WNK1: variants seen among roughly 807,000 people sequenced by gnomAD.
WNK1 encodes serine/threonine-protein kinase WNK1.
Under a neutral mutation model 222.8 loss-of-function variants are expected in WNK1, and 38 were observed. The ratio of observed to expected loss-of-function variants is 0.17; its 90% CI spans 0.13 to 0.22. WNK1 has a LOEUF of 0.22. Ranked by LOEUF, WNK1 falls within the 10% of genes least tolerant of loss-of-function variation. The pLI, the probability that WNK1 is intolerant of heterozygous loss-of-function variation, is 1.00. For synonymous variants in WNK1, 1,090 were observed against 1,092.9 expected, an observed-to-expected ratio of 1.00 and a Z score of 0.05; for missense variants, 2,348 against 2,918.4, an observed-to-expected ratio of 0.80 and a Z score of 4.50.
chr12:772,414 T>C (rs561773737), intron 1 of WNK1, among the ~76,000 whole-genome samples: 2 of 71,626 alleles, frequency 2.8e-5, no homozygotes, highest in Admixed American at 1.3e-4. Context: ...GGTGTGTGTG[T>C]GTGTGTGTGT....
rs994583198 is a variant in WNK1, at chr12:908,638, C to T, written c.6995C>T (p.Pro2332Leu). Residue 2332 changes from proline (P) to leucine (L), a missense_variant, in exon 28 of 28, where the codon CCA (proline) becomes CTA (leucine). Pro to Leu is a moderately conservative substitution (Grantham distance 98, BLOSUM62 -3). Coordinates refer to ENST00000315939, the MANE Select transcript of WNK1 (RefSeq NM_018979.4). The part of the protein sequence containing the change: ...PPQQYGFPAT[P>L]FGAQWSGTGG... ...CAGCAGTATGGCTTTCCAGCTACCC[C>T]ATTTGGCGCTCAATGGAGTGGGACG... 1 of 1,614,216 alleles carries T rather than the reference C, an allele frequency of 6.2e-7. No individual in the cohort carries two copies. Among genetic ancestry groups the T allele is most frequent in the Non-Finnish European group, 8.5e-7 (1 of 1,180,048 alleles).
intron 2 of WNK1, among the ~76,000 whole-genome samples, chr12:822,940 A>G (rs906890433): frequency 6.6e-5 from 10 of 152,178 alleles, no homozygotes. Flanking sequence ...TTTTAGGGAA[A>G]GTGTACTACT....
In WNK1 at chr12:879,634, A is replaced by T. The variant is rs1247088756; in HGVS notation, c.2435A>T (p.Gln812Leu). 6.2e-7 allele frequency: 1 copy of T among 1,612,866 alleles called. No homozygotes were observed. The highest frequency in any genetic ancestry group is 1.1e-5 in the South Asian group (1 of 91,010). Residue 812 changes from glutamine (Q) to leucine (L), a missense_variant, in exon 11 of 28, where the codon CAA (glutamine) becomes CTA (leucine). Coordinates refer to ENST00000315939, the MANE Select transcript of WNK1 (RefSeq NM_018979.4). ...QGEPQIPVAT[Q>L]PSVVPVHSGA... ...GAACCTCAGATCCCAGTTGCGACACAACCCTCGGTTGTTCCAGTCCACTCT... is the reference window on the plus strand; with the variant it reads ...GAACCTCAGATCCCAGTTGCGACACTACCCTCGGTTGTTCCAGTCCACTCT...
rs954317279 is a variant in WNK1, at chr12:900,502, T to G, written c.6475T>G (p.Ser2159Ala). The change falls in exon 26 of 28, where the codon TCA (serine) becomes GCA (alanine). Residue 2159 changes from serine to alanine, a missense_variant. Around this residue, in one of 13 missense-constraint regions of WNK1, gnomAD observed 1,144 missense variants for 1,273.6 expected, o/e 0.90. Transcript: ENST00000315939. Reference sequence around the variant, plus strand: ...TAACCTGTCTGGTCAGAGTGCAGCTTCAGTCTTGCACCCCCAGCAGACCCT... The same window carrying G: ...TAACCTGTCTGGTCAGAGTGCAGCTGCAGTCTTGCACCCCCAGCAGACCCT... ...SGNLSGQSAA[S>A]VLHPQQTLHP... The G allele has an allele frequency of 6.2e-7, 1 of 1,614,092 alleles. No individual in the cohort carries two copies. The highest frequency in any genetic ancestry group is 8.5e-7 in the Non-Finnish European group (1 of 1,180,050).
chr12:871,415 ATTTG>A, intron 9 of WNK1, 67 bp downstream of exon 9: 1 of 1,519,582 alleles, frequency 6.6e-7, no homozygotes, highest in Non-Finnish European at 9.1e-7. Flanking sequence ...AACTTTTGTG[ATTTG>A]TTATATAAAT....
Position 759,218 on chromosome 12 carries a change from G to A in WNK1, c.759+4894G>A, listed in dbSNP as rs955279511. 1.1e-4 allele frequency among the ~76,000 whole-genome samples: 16 copies of A among 146,846 alleles called. 2 individuals carry two copies. The highest frequency in any genetic ancestry group is 1.8e-4 in the Non-Finnish European group (12 of 65,940). ...CAATTATCATTTCTGAAAATATTTA[G>A]CATACTATGAAATAATTCATAATTA... On this transcript the variant is annotated intron_variant, in intron 1 of 27. Transcript: ENST00000315939.
intron 8 of WNK1, among the ~76,000 whole-genome samples, chr12:870,247 T>C (rs1952027698): frequency 6.6e-6 from 1 of 152,212 alleles, no homozygotes; most frequent in South Asian, 2.1e-4. Flanking sequence ...CAGCTATACA[T>C]GGGCATGCAG....
At chr12:790,714 A>C (rs146632220) in intron 1 of WNK1, among the ~76,000 whole-genome samples, 1 of 152,290 alleles carries the variant, frequency 6.6e-6, no homozygotes, top group East Asian at 1.9e-4. Context: ...CAATCTTTTG[A>C]TGTCTCATAT....
At chr12:784,422 A>G (rs1944058651) in intron 1 of WNK1, among the ~76,000 whole-genome samples, 1 of 152,166 alleles carries the variant, frequency 6.6e-6, no homozygotes, top group Admixed American at 6.5e-5. Flanking sequence ...AATGAATTAC[A>G]GTTTTTTAAT....
chr12:895,909 A>C (rs549155498), intron 23 of WNK1, among the ~76,000 whole-genome samples, 162 bp from the exon 24 acceptor site: 1 of 152,326 alleles, frequency 6.6e-6, no homozygotes, highest in Non-Finnish European at 1.5e-5. Context: ...GATGGTATTC[A>C]ATTTTTCTTC....
In WNK1 at chr12:884,855, G is replaced by A. The variant is rs748085072; in HGVS notation, c.4051G>A (p.Ala1351Thr). The change falls in exon 19 of 28, where the codon GCA becomes ACA. Residue 1351 changes from alanine (A) to threonine (T), a missense_variant. Ala to Thr is a moderately conservative substitution (Grantham distance 58, BLOSUM62 0). Around this residue, in one of 13 missense-constraint regions of WNK1, gnomAD observed 1,144 missense variants for 1,273.6 expected, o/e 0.90. Transcript: ENST00000315939. This position sits in a 1 kb window ranked among gnomAD's most constrained non-coding sequence, Gnocchi z 5.6. Reference protein sequence around the residue: ...SSIAGVPTTAAATAPVPATSS... With the variant: ...SSIAGVPTTATATAPVPATSS... Reference sequence around the variant, plus strand: ...CATTGCTGGAGTCCCAACCACAGCAGCAGCCACAGCACCAGTCCCTGCAAC... The same window carrying A: ...CATTGCTGGAGTCCCAACCACAGCAACAGCCACAGCACCAGTCCCTGCAAC... The A allele has an allele frequency of 6.2e-7, 1 of 1,613,550 alleles. No homozygotes were observed.
At chr12:771,517 T>C (rs1440104548) in intron 1 of WNK1, among the ~76,000 whole-genome samples, 1 of 151,334 alleles carries the variant, frequency 6.6e-6, no homozygotes, top group Non-Finnish European at 1.5e-5. Context: ...CAGGGTCTTA[T>C]TCTGCCCCCT....
At chr12:862,903 T>C (rs10492107) in intron 8 of WNK1, among the ~76,000 whole-genome samples, 19,061 of 152,240 alleles carry the variant, frequency 0.13, 1,486 homozygotes, top group Middle Eastern at 0.2. Context: ...AGAATCAACT[T>C]ATAGAAATTA....
At chr12:865,280 AG>A in intron 8 of WNK1, 1 of 1,536,110 alleles carries the variant, frequency 6.5e-7, no homozygotes, top group Non-Finnish European at 8.7e-7. Flanking sequence ...AGCTTTCTAA[AG>A]CATTGGAGAG....
At chr12:773,781 A>G (rs1942806821) in intron 1 of WNK1, among the ~76,000 whole-genome samples, 1 of 152,190 alleles carries the variant, frequency 6.6e-6, no homozygotes, top group African/African-American at 2.4e-5. Context: ...TGAAAATTTT[A>G]TAATTCAGTA....
intron 1 of WNK1, among the ~76,000 whole-genome samples, chr12:789,785 T>A (rs543553806): frequency 6.6e-6 from 1 of 152,204 alleles, no homozygotes; most frequent in Non-Finnish European, 1.5e-5. Flanking sequence ...TTCAGTTATG[T>A]CATCAAATGT....
chr12:800,168 A>G (rs1267073508), intron 1 of WNK1, among the ~76,000 whole-genome samples: 1 of 152,106 alleles, frequency 6.6e-6, no homozygotes, highest in Non-Finnish European at 1.5e-5. Context: ...TTTAAACTGA[A>G]TATTTATTTG....
rs772772522 is a variant in WNK1, at chr12:868,730, G to A, written c.2140-2535G>A. The A allele has an allele frequency of 6.2e-7, 1 of 1,613,768 alleles. No homozygotes were observed. The highest frequency in any genetic ancestry group is 1.7e-5 in the Admixed American group (1 of 60,002). ...GCAGGTTGCAGTGGACTTGAATCAAGAAGAACTGCCTCCTCAATCAGTTGG... is the reference window on the plus strand; with the variant it reads ...GCAGGTTGCAGTGGACTTGAATCAAAAAGAACTGCCTCCTCAATCAGTTGG... On this transcript the variant is annotated intron_variant, in intron 8 of 27. Coordinates refer to ENST00000315939, the MANE Select transcript of WNK1 (RefSeq NM_018979.4).
intron 1 of WNK1, among the ~76,000 whole-genome samples, chr12:785,192 T>G (rs898400742): frequency 5.9e-5 from 9 of 152,216 alleles, no homozygotes; most frequent in Admixed American, 2.6e-4. Context: ...CCTCAGCGTT[T>G]TGAAATTTCA....
Sources: gnomAD v4.1 joint callset for allele counts (sites outside exome capture counted in the v4.1 genomes callset) on GRCh38, gnomAD v4.1.1 for gene constraint, gnomAD v4.1.1 regional missense constraint, Gnocchi (gnomAD v3.1) non-coding constraint, MANE v1.5 for transcripts, NCBI Gene and HGNC (gene_info 2026-07-23, HGNC 2026-07-21) for gene names.